POLN: variants seen among roughly 807,000 people sequenced by gnomAD.
POLN encodes DNA polymerase nu.
In POLN, 108 loss-of-function variants were observed where a neutral mutation model predicts 113.5. The observed-to-expected ratio is 0.95, with a 90% CI of 0.81 to 1.12. The LOEUF (loss-of-function observed/expected upper bound fraction) is 1.12. Ranked by LOEUF, POLN falls within the 50% of genes most tolerant of loss-of-function variation. The pLI, the probability that POLN is intolerant of heterozygous loss-of-function variation, is 0.00. For synonymous variants in POLN, 386 were observed against 391.5 expected (o/e 0.99, Z 0.17); for missense variants, 1,097 against 1,077.1 (o/e 1.02, Z -0.26).
chr4:2,080,935 C>T, intron 23 of POLN, 23 bp downstream of exon 23: 2 of 1,613,784 alleles, frequency 1.2e-6, no homozygotes, highest in Non-Finnish European at 1.7e-6. Context: ...CATCCAAGCC[C>T]TGGGAGACCA....
chr4:2,137,638 C>G (rs1459576119), intron 16 of POLN, among the ~76,000 whole-genome samples: 1 of 152,166 alleles, frequency 6.6e-6, no homozygotes, highest in Non-Finnish European at 1.5e-5. Flanking sequence ...CCCCCCTCAC[C>G]CACTAAAGCT....
intron 19 of POLN, among the ~76,000 whole-genome samples, chr4:2,105,169 C>T (rs1422280210): frequency 6.6e-6 from 1 of 152,216 alleles, no homozygotes; most frequent in Non-Finnish European, 1.5e-5. Context: ...ACACCACCCA[C>T]CCTGCTGCTG....
rs188510701 is a variant in POLN, at chr4:2,155,379, G to A, written c.1731+1409C>T. 1.4e-4 allele frequency among the ~76,000 whole-genome samples: 22 copies of A among 152,294 alleles called. 1 individual carries two copies. Among genetic ancestry groups the A allele is most frequent in the Admixed American group, 1.2e-3 (18 of 15,308 alleles). On this transcript the variant is annotated intron_variant, in intron 16 of 25. Transcript: ENST00000511885. The stretch of plus-strand genomic sequence containing the variant: ...CAAGGCCAGAGACAGCTGGCAGCCC[G>A]AGAGCTGACTGACCAAGAGTGGGTG...
intron 5 of POLN, among the ~76,000 whole-genome samples, chr4:2,205,186 A>G (rs1038972611): frequency 3.9e-5 from 6 of 152,202 alleles, no homozygotes; most frequent in African/African-American, 1.4e-4. Flanking sequence ...TTACCTAGAA[A>G]ACCCTAAAGA....
At chr4:2,217,588 G>C (rs555949405) in intron 3 of POLN, among the ~76,000 whole-genome samples, 1 of 151,758 alleles carries the variant, frequency 6.6e-6, no homozygotes, top group African/African-American at 2.4e-5. Context: ...ATGGCCTCAC[G>C]CTCCATCTCT....
chr4:2,149,360 G>T (rs1347983872), intron 16 of POLN, among the ~76,000 whole-genome samples: 1 of 151,856 alleles, frequency 6.6e-6, no homozygotes, highest in Non-Finnish European at 1.5e-5. Flanking sequence ...AACCAAAGAT[G>T]AAATAAAGAC....
intron 7 of POLN, among the ~76,000 whole-genome samples, chr4:2,181,706 T>C (rs928821316): frequency 1.8e-4 from 28 of 152,064 alleles, no homozygotes; most frequent in Non-Finnish European, 7.4e-5. Context: ...AGGCCGGGCA[T>C]GGTGGCTCAT....
At chr4:2,213,592 C>T (rs950114800) in intron 3 of POLN, among the ~76,000 whole-genome samples, 2 of 152,194 alleles carry the variant, frequency 1.3e-5, no homozygotes, top group Non-Finnish European at 2.9e-5. Context: ...AACCAGGATC[C>T]AATCCCAGGC....
chr4:2,088,577 C>T (rs570230435), intron 20 of POLN: 53 of 577,032 alleles, frequency 9.2e-5, no homozygotes, highest in South Asian at 1.7e-4. Flanking sequence ...TGCAAAAATA[C>T]GCATTAGCTA....
intron 16 of POLN, among the ~76,000 whole-genome samples, chr4:2,154,735 A>G (rs1561047250): frequency 6.6e-6 from 1 of 152,226 alleles, no homozygotes; most frequent in Non-Finnish European, 1.5e-5. Flanking sequence ...TGGTATTGCT[A>G]TGATAAAGTA....
chr4:2,127,506 G>A lies in POLN; in HGVS notation c.1982+607C>T, dbSNP rs764577294. ...ACTTTCCTGGGCAGAGGAGAGGGGT[G>A]AGAGAGAGCCTTGCACCCGTCTCTC... is the stretch of plus-strand genomic sequence containing the variant. On this transcript the variant is annotated intron_variant, in intron 19 of 25. Transcript: ENST00000511885. The surrounding 1 kb of genome is among the most constrained non-coding windows in gnomAD (Gnocchi z 4.7). 6.6e-6 allele frequency among the ~76,000 whole-genome samples: 1 copy of A among 152,164 alleles called. No homozygotes were observed. The highest frequency in any genetic ancestry group is 1.5e-5 in the Non-Finnish European group (1 of 68,018).
At chr4:2,174,140 T>C in intron 10 of POLN, 121 bp from the exon 11 acceptor site, 1 of 890,092 alleles carries the variant, frequency 1.1e-6, no homozygotes, top group Non-Finnish European at 1.8e-6. Flanking sequence ...ACTCAGCACC[T>C]GCTGCATGCC....
intron 19 of POLN, among the ~76,000 whole-genome samples, chr4:2,108,061 C>T (rs779324717): frequency 3.9e-5 from 6 of 152,196 alleles, no homozygotes; most frequent in South Asian, 2.1e-4. Flanking sequence ...TCTCCTGACT[C>T]CTAAACACTC....
intron 19 of POLN, among the ~76,000 whole-genome samples, chr4:2,104,565 C>G (rs182145942): frequency 1.3e-5 from 2 of 152,298 alleles, no homozygotes; most frequent in African/African-American, 4.8e-5. Flanking sequence ...AGTCTTTGAG[C>G]TTTTTACCCA....
chr4:2,097,660 T>C (rs1042353209), intron 19 of POLN, among the ~76,000 whole-genome samples: 1 of 152,196 alleles, frequency 6.6e-6, no homozygotes, highest in African/African-American at 2.4e-5. Flanking sequence ...CCTACCATTT[T>C]TAAGTTTTTT....
At chr4:2,165,012 G>A (rs1290331199) in intron 13 of POLN, among the ~76,000 whole-genome samples, 1 of 151,986 alleles carries the variant, frequency 6.6e-6, no homozygotes, top group African/African-American at 2.4e-5. Flanking sequence ...CAGGAAGACA[G>A]TTTGGCGGTT....
chr4:2,081,813 C>G lies in POLN; in HGVS notation c.2198-70G>C, dbSNP rs1231310058. 4 of 1,365,652 alleles carry G rather than the reference C, an allele frequency of 2.9e-6. No individual in the cohort carries two copies. The African/African-American group carries it at 5.7e-5, about 20-fold the overall frequency. 84.6% of individuals were successfully genotyped at this position (1,365,652 alleles called of 1,614,324 possible). A position where few individuals can be genotyped will look rare whatever the true frequency, so the allele number is the denominator to read the frequency against. Reference sequence around the variant, plus strand: ...CCACAGCAGGTGCAGCTCCCTCGGGCCAGGTCCAGAGGCCACAGAGGGACA... The same window carrying G: ...CCACAGCAGGTGCAGCTCCCTCGGGGCAGGTCCAGAGGCCACAGAGGGACA... On this transcript the variant is annotated intron_variant, in intron 21 of 25. Coordinates refer to ENST00000511885, the MANE Select transcript of POLN (RefSeq NM_181808.4).
intron 19 of POLN, among the ~76,000 whole-genome samples, chr4:2,100,070 AAAAAAGAAAAAAAAAG>A (rs1256831751): frequency 1.5e-5 from 1 of 64,540 alleles, no homozygotes; most frequent in Non-Finnish European, 3.7e-5. Context: ...ACCCTGTCTC[AAAAAAGAAAAAAAAAG>A]AAAAAGAAAA....
intron 2 of POLN, chr4:2,241,001 T>C: frequency 1.5e-6 from 2 of 1,336,276 alleles, no homozygotes; most frequent in Non-Finnish European, 2.1e-6. Flanking sequence ...GTGTTGATTT[T>C]TAGAAAATAA....
Sources: gnomAD v4.1 joint callset for allele counts (sites outside exome capture counted in the v4.1 genomes callset) on GRCh38, gnomAD v4.1.1 for gene constraint, Gnocchi (gnomAD v3.1) non-coding constraint, MANE v1.5 for transcripts, NCBI Gene and HGNC (gene_info 2026-07-23, HGNC 2026-07-21) for gene names.